The following IGF1R variants were observed in gnomAD, a reference collection of about 807,000 sequenced individuals.
IGF1R encodes insulin-like growth factor 1 receptor.
A neutral mutation model predicts 144.6 loss-of-function variants in IGF1R; 44 were observed. The ratio of observed to expected loss-of-function variants is 0.30; its 90% confidence interval spans 0.24 to 0.39. The LOEUF is 0.39. Among genes scored for constraint, IGF1R ranks in the 10% least tolerant of loss-of-function variants. The pLI is 1.00. For missense variants in IGF1R, 1,355 were observed against 1,833.7 expected (o/e 0.74, Z 4.77); for synonymous variants, 795 against 722.8 (o/e 1.10, Z -1.60).
At position 98,815,183 on chromosome 15, in the gene IGF1R, C is replaced by T. The variant is rs561423483; in HGVS notation, c.641-76142C>T. On this transcript the variant is annotated intron_variant, in intron 2 of 20. Transcript: ENST00000650285. ...TAATAAAAAGTTTAAAAGAAATCACCAGCATAAGATGTTGTCATTTGGCTC... is the reference window on the plus strand; with the variant it reads ...TAATAAAAAGTTTAAAAGAAATCACTAGCATAAGATGTTGTCATTTGGCTC... Among the ~76,000 whole-genome samples the T allele has an allele frequency of 6.6e-5, 10 of 152,254 alleles. No homozygotes were observed. In the South Asian group the frequency reaches 2.1e-3, roughly 32 times the overall value.
intron 2 of IGF1R, among the ~76,000 whole-genome samples, chr15:98,831,705 T>TG (rs1398994392): frequency 6.6e-6 from 1 of 152,150 alleles, no homozygotes; most frequent in Non-Finnish European, 1.5e-5. Flanking sequence ...GAGAAGGTAT[T>TG]GGGGGTGTAG....
At position 98,826,615 on chromosome 15, in the gene IGF1R, GAAGATTTTA is replaced by G. The variant is rs375176346; in HGVS notation, c.641-64708_641-64700del. On this transcript the variant is annotated intron_variant, in intron 2 of 20. Coordinates refer to ENST00000650285, the MANE Select transcript of IGF1R (RefSeq NM_000875.5). The stretch of plus-strand genomic sequence containing the variant: ...TTTCCTTTTTCTCAGCCAGGTGTAT[GAAGATTTTA>G]AGTTCTTAGGCCTCAGTGGGAAGAA... Among the ~76,000 whole-genome samples the G allele has an allele frequency of 8.4e-3, 1,287 of 152,310 alleles. 22 individuals are homozygous for G. Among genetic ancestry groups the G allele is most frequent in the African/African-American group, 0.03 (1,236 of 41,552 alleles).
intron 2 of IGF1R, among the ~76,000 whole-genome samples, chr15:98,887,392 A>C (rs1043728039): frequency 1.3e-5 from 2 of 150,912 alleles, no homozygotes; most frequent in African/African-American, 4.9e-5. Flanking sequence ...TTTGCAAGCA[A>C]GTGCAGAGGG....
intron 2 of IGF1R, among the ~76,000 whole-genome samples, chr15:98,773,842 A>T (rs2055649201): frequency 6.6e-6 from 1 of 152,130 alleles, no homozygotes. Flanking sequence ...ACATCTTGTG[A>T]TCCGGGGGGA....
At chr15:98,694,818 G>A (rs2053560366) in intron 1 of IGF1R, among the ~76,000 whole-genome samples, 1 of 152,244 alleles carries the variant, frequency 6.6e-6, no homozygotes, top group African/African-American at 2.4e-5. Flanking sequence ...CGAAGTCGGG[G>A]AGGCCGACTT....
chr15:98,690,291 C>T (rs2053444396), intron 1 of IGF1R, among the ~76,000 whole-genome samples: 1 of 152,104 alleles, frequency 6.6e-6, no homozygotes, highest in Non-Finnish European at 1.5e-5. Context: ...TGCAGTGAGC[C>T]ATGTCTGTGC....
rs1228302503 is a variant in IGF1R, at chr15:98,959,726, C to T, written c.*2284C>T. 4 of 233,442 alleles carry T rather than the reference C, an allele frequency of 1.7e-5. No individual in the cohort carries two copies. Among genetic ancestry groups the T allele is most frequent in the African/African-American group, 8.8e-5 (4 of 45,328 alleles). 14.5% of individuals were successfully genotyped at this position (233,442 alleles called of 1,614,324 possible). A position where few individuals can be genotyped will look rare whatever the true frequency, so the allele number is the denominator to read the frequency against. On this transcript the variant is annotated 3_prime_UTR_variant, in exon 21 of 21. Coordinates refer to ENST00000650285, the MANE Select transcript of IGF1R (RefSeq NM_000875.5). Reference sequence around the variant, plus strand: ...GAAATGTTTAGGAGTAAGAACAAAGCTGGGATACGGTGATTGCTAGTTGTG... The same window carrying T: ...GAAATGTTTAGGAGTAAGAACAAAGTTGGGATACGGTGATTGCTAGTTGTG...
rs1431969216 is a variant in IGF1R at position 98,962,834 on chromosome 15, C to T, written c.*5392C>T. On this transcript the variant is annotated 3_prime_UTR_variant, in exon 21 of 21. Coordinates refer to ENST00000650285, the MANE Select transcript of IGF1R (RefSeq NM_000875.5). ...AACATCCTACTCTGGAAACTGATCTCGGAGTTAAGGCGAATTGTTCAAGAA... is the reference window on the plus strand; with the variant it reads ...AACATCCTACTCTGGAAACTGATCTTGGAGTTAAGGCGAATTGTTCAAGAA... 3.9e-5 allele frequency: 9 copies of T among 233,586 alleles called. No individual in the cohort carries two copies. The highest frequency in any genetic ancestry group is 1.8e-4 in the South Asian group (1 of 5,528). The allele number at this position is 233,586 out of a possible 1,614,324, so 14.5% of individuals were successfully genotyped here.
At chr15:98,718,269 C>T (rs1330407562) in intron 2 of IGF1R, among the ~76,000 whole-genome samples, 1 of 152,174 alleles carries the variant, frequency 6.6e-6, no homozygotes, top group African/African-American at 2.4e-5. Flanking sequence ...TTTCTTCCTG[C>T]CATTTTTCCC....
intron 1 of IGF1R, chr15:98,660,806 A>G (rs1246180663): frequency 1.3e-5 from 2 of 152,208 alleles, no homozygotes; most frequent in Non-Finnish European, 1.5e-5. Context: ...TAAGTTCCCT[A>G]TAGATAAGAT....
At chr15:98,723,645 G>A (rs979102345) in intron 2 of IGF1R, among the ~76,000 whole-genome samples, 5 of 152,130 alleles carry the variant, frequency 3.3e-5, no homozygotes, top group South Asian at 4.2e-4. Flanking sequence ...GAGTAGGGCC[G>A]TTGCATTTAG....
chr15:98,673,268 T>G (rs1320494585), intron 1 of IGF1R, among the ~76,000 whole-genome samples: 1 of 152,240 alleles, frequency 6.6e-6, no homozygotes, highest in East Asian at 1.9e-4. Flanking sequence ...CATTACACTA[T>G]TTGGTTAATT....
At chr15:98,815,584 G>C (rs1320128854) in intron 2 of IGF1R, among the ~76,000 whole-genome samples, 2 of 152,200 alleles carry the variant, frequency 1.3e-5, no homozygotes, top group African/African-American at 2.4e-5. Context: ...GGTTAGGTGT[G>C]GGGGGTGATG....
intron 1 of IGF1R, among the ~76,000 whole-genome samples, chr15:98,694,253 G>A (rs775879915): frequency 5.3e-5 from 8 of 152,126 alleles, no homozygotes; most frequent in Non-Finnish European, 1.0e-4. Flanking sequence ...AAATGGGAGG[G>A]TTATTAAAGG....
At chr15:98,711,754 G>A (rs1319363453) in intron 2 of IGF1R, among the ~76,000 whole-genome samples, 1 of 152,036 alleles carries the variant, frequency 6.6e-6, no homozygotes, top group African/African-American at 2.4e-5. Flanking sequence ...GGCTTTTAAC[G>A]GTGGTCTCCT....
intron 5 of IGF1R, among the ~76,000 whole-genome samples, chr15:98,901,593 G>C (rs1388099463): frequency 1.3e-5 from 2 of 152,222 alleles, no homozygotes; most frequent in Admixed American, 6.5e-5. Context: ...TCTGCAAGAA[G>C]GGAAGAGTCA....
chr15:98,821,621 C>G (rs953542153), intron 2 of IGF1R, among the ~76,000 whole-genome samples: 2 of 152,158 alleles, frequency 1.3e-5, no homozygotes, highest in African/African-American at 4.8e-5. Flanking sequence ...ACTGCTCTTC[C>G]ATAGATGATG....
intron 2 of IGF1R, among the ~76,000 whole-genome samples, chr15:98,845,152 A>T (rs1268305949): frequency 6.6e-6 from 1 of 152,170 alleles, no homozygotes; most frequent in African/African-American, 2.4e-5. Context: ...CACCGAGAGT[A>T]GGGAGAAGAG....
intron 2 of IGF1R, among the ~76,000 whole-genome samples, chr15:98,848,404 T>A (rs746635999): frequency 1.3e-5 from 2 of 152,234 alleles, no homozygotes; most frequent in Non-Finnish European, 2.9e-5. Context: ...TTTAGATACA[T>A]GCATTGCTAA....
Sources: gnomAD v4.1 joint callset for allele counts (sites outside exome capture counted in the v4.1 genomes callset) on GRCh38, gnomAD v4.1.1 for gene constraint, MANE v1.5 for transcripts, NCBI Gene and HGNC (gene_info 2026-07-23, HGNC 2026-07-21) for gene names.